TLK1: variants seen among roughly 807,000 people sequenced by gnomAD.
TLK1 encodes the protein serine/threonine-protein kinase tousled-like 1.
TLK1 carries 24 observed loss-of-function variants against 105.3 expected under a neutral mutation model. The observed-to-expected ratio is 0.23, with a 90% CI of 0.17 to 0.32. TLK1 has a LOEUF of 0.32. Among genes scored for constraint, TLK1 ranks in the 10% least tolerant of loss-of-function variants. The pLI is 1.00. For missense variants in TLK1, 558 were observed against 910.5 expected, an observed-to-expected ratio of 0.61 and a Z score of 4.98; for synonymous variants, 321 against 310.4, an observed-to-expected ratio of 1.03 and a Z score of -0.36.
At chr2:171,163,525 C>T (rs1319464212), upstream of TLK1, among the ~76,000 whole-genome samples, 2 of 152,296 alleles carry the variant, frequency 1.3e-5, no homozygotes, top group African/African-American at 4.8e-5. Flanking sequence ...TTAGTCTCAG[C>T]AGGTAACTTG....
chr2:171,034,543 A>C (rs1168202040), intron 11 of TLK1, among the ~76,000 whole-genome samples: 4 of 152,232 alleles, frequency 2.6e-5, no homozygotes, highest in African/African-American at 7.2e-5. Context: ...GCAAATACAC[A>C]GAGAAAGAAA....
intron 11 of TLK1, among the ~76,000 whole-genome samples, chr2:171,031,287 T>C (rs1275226967): frequency 2.6e-5 from 4 of 152,214 alleles, no homozygotes; most frequent in African/African-American, 9.6e-5. Context: ...TCAAAAACGT[T>C]TTTAAAGAAA....
chr2:171,059,787 C>A, intron 4 of TLK1: 1 of 656,974 alleles, frequency 1.5e-6, no homozygotes, highest in Non-Finnish European at 2.8e-6. Context: ...ATTAGATTCT[C>A]ATAAGGGAGT....
chr2:171,180,478 TACA>T (rs779003241), intron 1 of TLK1, among the ~76,000 whole-genome samples: 3 of 152,228 alleles, frequency 2.0e-5, no homozygotes, highest in Non-Finnish European at 4.4e-5. Flanking sequence ...CCGAGAAGAC[TACA>T]ACATGTTTTA....
rs767298541 is a variant in TLK1 at position 171,160,241 on chromosome 2, G to T, written c.139+49C>A. ...GCGGGGGGGGGGCGCGGGGGTCCGC[G>T]GCGCGGGAGAGGAGGCCCGCGAGCG... is the stretch of plus-strand genomic sequence containing the variant. On this transcript the variant is annotated intron_variant, in intron 1 of 20. Coordinates refer to ENST00000431350, the MANE Select transcript of TLK1 (RefSeq NM_012290.5). The surrounding 1 kb of genome is among the most constrained non-coding windows in gnomAD (Gnocchi z 4.4). 1 of 1,339,690 alleles carries T rather than the reference G, an allele frequency of 7.5e-7. No individual in the cohort carries two copies. The highest frequency in any genetic ancestry group is 9.6e-7 in the Non-Finnish European group (1 of 1,044,914). 83.0% of individuals were successfully genotyped at this position (1,339,690 alleles called of 1,614,324 possible).
chr2:171,131,103 A>AT (rs1691089719), intron 1 of TLK1, among the ~76,000 whole-genome samples: 4 of 133,236 alleles, frequency 3.0e-5, no homozygotes, highest in African/African-American at 7.5e-5. Context: ...AGAGATCTAT[A>AT]TATCTATATA....
intron 1 of TLK1, among the ~76,000 whole-genome samples, chr2:171,135,382 A>G (rs959729732): frequency 4.0e-5 from 6 of 151,694 alleles, no homozygotes; most frequent in African/African-American, 1.5e-4. Context: ...GTATACAATT[A>G]TGATTTGCCA....
chr2:171,006,667 T>A, intron 16 of TLK1, 24 bp from the exon 17 acceptor site: 2 of 1,610,810 alleles, frequency 1.2e-6, no homozygotes, highest in Non-Finnish European at 1.7e-6. Flanking sequence ...GAGAAAAAAA[T>A]TAGACATAAG....
chr2:171,023,181 GGA>G (rs1166862165), intron 12 of TLK1: 2 of 470,680 alleles, frequency 4.2e-6, no homozygotes, highest in South Asian at 1.5e-5. Flanking sequence ...AAGGAGCAAA[GGA>G]GAGAGAGAGA....
At chr2:171,145,367 G>A (rs1292824786) in intron 1 of TLK1, among the ~76,000 whole-genome samples, 1 of 151,462 alleles carries the variant, frequency 6.6e-6, no homozygotes, top group Non-Finnish European at 1.5e-5. Context: ...CAAGGCGGGT[G>A]GATCACGAGG....
chr2:171,075,538 TTGATA>T (rs1688461521), intron 3 of TLK1, among the ~76,000 whole-genome samples: 1 of 152,198 alleles, frequency 6.6e-6, no homozygotes. Context: ...ACAGAATAAT[TTGATA>T]TATGTCTGCT....
chr2:171,026,882 A>G (rs1386437569), intron 12 of TLK1, among the ~76,000 whole-genome samples: 1 of 152,144 alleles, frequency 6.6e-6, no homozygotes, highest in Non-Finnish European at 1.5e-5. Context: ...TAAGTTGTCA[A>G]CTAAGTCTCA....
In TLK1 at chr2:170,993,703, A is replaced by G; in HGVS notation, c.*77T>C. On this transcript the variant is annotated 3_prime_UTR_variant, in exon 21 of 21. Coordinates refer to ENST00000431350, the MANE Select transcript of TLK1 (RefSeq NM_012290.5). Reference sequence around the variant, plus strand: ...AAAAAAAAAAAAAGAAAAAGAAAACAAACACTCAAATGCTCTCAAACTTAA... The same window carrying G: ...AAAAAAAAAAAAAGAAAAAGAAAACGAACACTCAAATGCTCTCAAACTTAA... 12 of 1,231,994 alleles carry G rather than the reference A, an allele frequency of 9.7e-6. No homozygotes were observed. Among genetic ancestry groups the G allele is most frequent in the Non-Finnish European group, 1.3e-5 (12 of 925,678 alleles). 76.3% of individuals were successfully genotyped at this position (1,231,994 alleles called of 1,614,324 possible). A position where few individuals can be genotyped will look rare whatever the true frequency, so the allele number is the denominator to read the frequency against.
At chr2:171,059,111 C>T (rs1687630660) in intron 4 of TLK1, among the ~76,000 whole-genome samples, 1 of 152,162 alleles carries the variant, frequency 6.6e-6, no homozygotes, top group East Asian at 1.9e-4. Flanking sequence ...GTATTCAGGA[C>T]TACCAATGCT....
At chr2:171,209,916 T>C (rs1311448072) in intron 1 of TLK1, among the ~76,000 whole-genome samples, 1 of 152,196 alleles carries the variant, frequency 6.6e-6, no homozygotes, top group Non-Finnish European at 1.5e-5. Context: ...TGAAACTTTG[T>C]TACCGCAGCC....
intron 1 of TLK1, among the ~76,000 whole-genome samples, chr2:171,182,533 G>A (rs1400817171): frequency 6.6e-6 from 1 of 152,134 alleles, no homozygotes; most frequent in Non-Finnish European, 1.5e-5. Context: ...GGAAAACAAG[G>A]AAATACTGAA....
At chr2:171,086,398 G>A (rs1575585881) in intron 2 of TLK1, among the ~76,000 whole-genome samples, 1 of 152,242 alleles carries the variant, frequency 6.6e-6, no homozygotes, top group African/African-American at 2.4e-5. Context: ...GGCCTAGACA[G>A]GCAGACTTCT....
intron 1 of TLK1, among the ~76,000 whole-genome samples, chr2:171,210,496 C>A (rs931730991): frequency 7.9e-5 from 12 of 151,776 alleles, no homozygotes; most frequent in Admixed American, 7.9e-4. Flanking sequence ...CAAGTATTTG[C>A]GAAAGAAAAG....
Position 171,049,798 on chromosome 2 carries a change from G to C in TLK1, c.980+16C>G, listed in dbSNP as rs565973190. ...AAACGAATACTAAAAACTTTTAAAT[G>C]TTAAGAATGACTAACTTCACAAGAT... On this transcript the variant is annotated intron_variant, in intron 10 of 20. Coordinates refer to ENST00000431350, the MANE Select transcript of TLK1 (RefSeq NM_012290.5). The C allele has an allele frequency of 1.6e-5, 26 of 1,612,784 alleles. No homozygotes were observed. The South Asian group carries it at 2.6e-4, about 16-fold the overall frequency.
Sources: gnomAD v4.1 joint callset for allele counts (sites outside exome capture counted in the v4.1 genomes callset) on GRCh38, gnomAD v4.1.1 for gene constraint, Gnocchi (gnomAD v3.1) non-coding constraint, MANE v1.5 for transcripts, NCBI Gene and HGNC (gene_info 2026-07-23, HGNC 2026-07-21) for gene names.